Variants in FBXL13 observed in about 807,000 individuals in gnomAD.
FBXL13 encodes F-box and leucine-rich repeat protein 13.
FBXL13 carries 67 observed loss-of-function variants against 83.6 expected under a neutral mutation model. That is an observed-to-expected ratio of 0.80 (90% CI 0.66 to 0.98). FBXL13 has a LOEUF of 0.98. FBXL13 is among the 50% of genes least tolerant of loss of function. The pLI, the probability that FBXL13 is intolerant of heterozygous loss-of-function variation, is 0.00. For synonymous variants in FBXL13, 272 were observed against 299.5 expected (o/e 0.91, Z 0.95); for missense variants, 822 against 866.5 (o/e 0.95, Z 0.64).
chr7:102,814,539 G>A (rs1408960877), intron 19 of FBXL13: 4 of 152,142 alleles, frequency 2.6e-5, no homozygotes, highest in African/African-American at 4.8e-5. Flanking sequence ...TAAAATAATT[G>A]TAACCAAACT....
intron 17 of FBXL13, among the ~76,000 whole-genome samples, chr7:102,834,087 AAAG>A (rs1801306460): frequency 5.0e-5 from 3 of 59,710 alleles, no homozygotes; most frequent in South Asian, 5.6e-4. Flanking sequence ...GAAGGAAAGA[AAAG>A]AAAGAAAGAA....
chr7:102,883,167 C>T (rs1194224832), intron 14 of FBXL13, 138 bp downstream of exon 15: 2 of 792,658 alleles, frequency 2.5e-6, no homozygotes. Context: ...AACTACAGAA[C>T]TCTGCACTTA....
chr7:103,074,745 G>T (rs1045227054), upstream of FBXL13: 47 of 1,289,728 alleles, frequency 3.6e-5, no homozygotes, highest in Non-Finnish European at 4.3e-5. Context: ...CTTCAGCCTC[G>T]GGTTGGCATT....
At chr7:102,925,027 G>T (rs1419172447) in intron 10 of FBXL13, among the ~76,000 whole-genome samples, 1 of 152,210 alleles carries the variant, frequency 6.6e-6, no homozygotes, top group East Asian at 1.9e-4. Context: ...AATAGTTTGA[G>T]AAATGTTTTC....
chr7:102,976,082 A>C, intron 6 of FBXL13: 1 of 766,400 alleles, frequency 1.3e-6, no homozygotes, highest in Admixed American at 1.7e-5. Context: ...GGCCCCTGCA[A>C]GGACCACCCC....
chr7:102,822,182 T>C, exon 19 of FBXL13: 1 of 1,614,098 alleles, frequency 6.2e-7, no homozygotes, highest in African/African-American at 1.3e-5. Flanking sequence ...GCCGATAACA[T>C]CTCCATTGCT....
intron 11 of FBXL13, among the ~76,000 whole-genome samples, chr7:102,911,730 C>G (rs1814717304): frequency 6.6e-6 from 1 of 152,134 alleles, no homozygotes; most frequent in Non-Finnish European, 1.5e-5. Flanking sequence ...AACAAGAAAA[C>G]AAGAAGTCAG....
chr7:102,996,773 G>T (rs539586394), intron 6 of FBXL13, among the ~76,000 whole-genome samples: 10 of 152,236 alleles, frequency 6.6e-5, no homozygotes, highest in Middle Eastern at 3.4e-3. Context: ...GGCTGGAGGT[G>T]GAGTAGACAT....
chr7:103,002,585 A>G (rs1266585271), intron 6 of FBXL13, among the ~76,000 whole-genome samples: 1 of 152,196 alleles, frequency 6.6e-6, no homozygotes, highest in Non-Finnish European at 1.5e-5. Flanking sequence ...ATTTCTTGTT[A>G]AGATGCCTTT....
intron 16 of FBXL13, among the ~76,000 whole-genome samples, chr7:102,859,050 T>C (rs1426841873): frequency 1.3e-5 from 2 of 152,204 alleles, no homozygotes; most frequent in Non-Finnish European, 2.9e-5. Context: ...AATAATTGTA[T>C]AAGTACATAA....
At chr7:103,043,654 G>C (rs1192170641) in intron 2 of FBXL13, among the ~76,000 whole-genome samples, 3 of 152,176 alleles carry the variant, frequency 2.0e-5, no homozygotes, top group Non-Finnish European at 4.4e-5. Context: ...TGGGATTACA[G>C]GTGTGTGCTA....
chr7:102,871,582 G>A lies in FBXL13; in HGVS notation c.1635+5885C>T, dbSNP rs922049309. On this transcript the variant is annotated intron_variant, in intron 16 of 19. Coordinates refer to ENST00000313221, the Ensembl canonical transcript of FBXL13. ...TTTTTTTCTGTATTTTTGTAGAGATGGGGTTGTGTCACGTTGGCCAAGCTG... is the reference window on the plus strand; with the variant it reads ...TTTTTTTCTGTATTTTTGTAGAGATAGGGTTGTGTCACGTTGGCCAAGCTG... Among the ~76,000 whole-genome samples, 3 of 151,658 alleles carry A rather than the reference G, an allele frequency of 2.0e-5. No homozygotes were observed. The South Asian group carries it at 6.3e-4, about 32-fold the overall frequency.
chr7:102,938,973 G>T (rs1371952712), intron 8 of FBXL13, among the ~76,000 whole-genome samples: 2 of 152,222 alleles, frequency 1.3e-5, no homozygotes, highest in Non-Finnish European at 2.9e-5. Flanking sequence ...CCTAGGCCTA[G>T]TGTCAGGGTG....
chr7:102,965,080 C>T (rs1049035425), intron 7 of FBXL13, among the ~76,000 whole-genome samples: 2 of 152,094 alleles, frequency 1.3e-5, no homozygotes, highest in Non-Finnish European at 2.9e-5. Flanking sequence ...GAACATTACT[C>T]GTTAATGCCA....
At chr7:102,995,466 G>A (rs1157829906) in intron 6 of FBXL13, among the ~76,000 whole-genome samples, 43 of 91,682 alleles carry the variant, frequency 4.7e-4, no homozygotes, top group African/African-American at 2.0e-3. Flanking sequence ...GGATGACAGC[G>A]AGACTCCATC....
chr7:103,034,488 C>T (rs932455077), intron 2 of FBXL13, among the ~76,000 whole-genome samples: 3 of 152,224 alleles, frequency 2.0e-5, no homozygotes, highest in African/African-American at 7.2e-5. Flanking sequence ...GCCGGCTGGC[C>T]GCTCTGAGTG....
At chr7:102,944,075 A>G in intron 8 of FBXL13, 2 of 685,244 alleles carry the variant, frequency 2.9e-6, no homozygotes, top group Non-Finnish European at 4.6e-6. Context: ...TCTGAGAAAA[A>G]GAAAGGAAAA....
At chr7:103,006,458 G>A (rs142687075) in intron 6 of FBXL13, among the ~76,000 whole-genome samples, 9 of 152,114 alleles carry the variant, frequency 5.9e-5, no homozygotes, top group Non-Finnish European at 1.3e-4. Context: ...AAATGGAGAC[G>A]TGTCATTGAA....
chr7:102,865,524 G>GT (rs762617780), intron 16 of FBXL13, among the ~76,000 whole-genome samples: 54 of 151,200 alleles, frequency 3.6e-4, no homozygotes, highest in Middle Eastern at 6.8e-3. Flanking sequence ...TTATTTTTGT[G>GT]TTTTTTTTGT....
Sources: allele counts gnomAD v4.1 joint callset (sites outside exome capture counted in the v4.1 genomes callset), GRCh38; gene constraint gnomAD v4.1.1; transcripts MANE v1.5; gene names NCBI Gene and HGNC (gene_info 2026-07-23, HGNC 2026-07-21).